Variants in DLG1 observed in about 807,000 individuals in gnomAD.
DLG1 encodes the protein disks large homolog 1.
DLG1 carries 42 observed loss-of-function variants against 123.4 expected under a neutral mutation model. The ratio of observed to expected loss-of-function variants is 0.34; its 90% confidence interval spans 0.27 to 0.44. DLG1 has a LOEUF of 0.44. Among genes scored for constraint, DLG1 ranks in the 20% least tolerant of loss-of-function variants. The pLI is 1.00. For synonymous variants in DLG1, 317 were observed against 356.2 expected (o/e 0.89, Z 1.24); for missense variants, 942 against 1,082.6 (o/e 0.87, Z 1.82).
intron 4 of DLG1, among the ~76,000 whole-genome samples, chr3:197,205,510 T>C (rs1728068079): frequency 6.6e-6 from 1 of 152,152 alleles, no homozygotes; most frequent in East Asian, 1.9e-4. Context: ...GTAACTGACC[T>C]CATTAACAAG....
chr3:197,138,475 C>CT, intron 8 of DLG1, 84 bp from the exon 9 acceptor site: 1 of 632,540 alleles, frequency 1.6e-6, no homozygotes, highest in Non-Finnish European at 2.2e-6. Flanking sequence ...TTTGTTACTT[C>CT]TTTTTTAAGG....
intron 4 of DLG1, among the ~76,000 whole-genome samples, chr3:197,223,638 A>C (rs1391452960): frequency 6.6e-6 from 1 of 152,248 alleles, no homozygotes; most frequent in Non-Finnish European, 1.5e-5. Context: ...TGACATTAGA[A>C]GTACTGTTAG....
At chr3:197,211,610 T>C (rs1041569029) in intron 4 of DLG1, among the ~76,000 whole-genome samples, 2 of 146,470 alleles carry the variant, frequency 1.4e-5, no homozygotes, top group African/African-American at 4.9e-5. Flanking sequence ...AAAAAACAGA[T>C]GCTGGTGAGG....
chr3:197,201,154 C>A (rs1725479285), intron 4 of DLG1, among the ~76,000 whole-genome samples: 1 of 152,124 alleles, frequency 6.6e-6, no homozygotes, highest in African/African-American at 2.4e-5. Context: ...GAGGCCGAGG[C>A]GGGAGGATCA....
At position 197,044,466 on chromosome 3, in the gene DLG1, G is replaced by T. The variant is rs1239250153; in HGVS notation, c.*157C>A. On this transcript the variant is annotated 3_prime_UTR_variant, in exon 25 of 25. Transcript: ENST00000667157. ...TTAAATAATACACACGATGTAACTT[G>T]AAGGAGACACTACATGTGAAAAAGA... The T allele has an allele frequency of 2.0e-6, 1 of 490,610 alleles. No homozygotes were observed. The highest frequency in any genetic ancestry group is 3.6e-6 in the Non-Finnish European group (1 of 274,480). The allele number at this position is 490,610 out of a possible 1,614,324, so 30.4% of individuals were successfully genotyped here.
At chr3:197,154,677 G>GA (rs142521068) in intron 5 of DLG1, among the ~76,000 whole-genome samples, 58 of 144,310 alleles carry the variant, frequency 4.0e-4, no homozygotes, top group East Asian at 6.1e-4. Context: ...TCTGTCTCAA[G>GA]AAAAAAAAAA....
At chr3:197,101,588 A>C (rs1399456375) in intron 14 of DLG1, among the ~76,000 whole-genome samples, 1 of 152,016 alleles carries the variant, frequency 6.6e-6, no homozygotes, top group East Asian at 1.9e-4. Flanking sequence ...ACGGGGTTTC[A>C]CCGTGTTAGC....
intron 4 of DLG1, among the ~76,000 whole-genome samples, chr3:197,235,075 A>G (rs1745255043): frequency 6.6e-6 from 1 of 152,178 alleles, no homozygotes; most frequent in Non-Finnish European, 1.5e-5. Context: ...ACATGCCACA[A>G]CAGTTTTCAG....
intron 4 of DLG1, among the ~76,000 whole-genome samples, chr3:197,245,231 C>T (rs1204250590): frequency 6.6e-6 from 1 of 152,026 alleles, no homozygotes; most frequent in East Asian, 1.9e-4. Context: ...GAAATGGATT[C>T]CATTATCTGA....
intron 4 of DLG1, among the ~76,000 whole-genome samples, chr3:197,274,515 C>CGATACGAT (rs1765468054): frequency 6.6e-6 from 1 of 151,876 alleles, no homozygotes. Context: ...CACGACACGA[C>CGATACGAT]ACGATACGAT....
intron 4 of DLG1, among the ~76,000 whole-genome samples, chr3:197,203,119 T>C (rs1726685992): frequency 6.6e-6 from 1 of 152,084 alleles, no homozygotes; most frequent in Admixed American, 6.6e-5. Flanking sequence ...AAAAATTAGC[T>C]GGATGTGGTG....
intron 13 of DLG1, 33 bp from the exon 14 acceptor site, chr3:197,105,038 A>G (rs748666189): frequency 7.2e-6 from 10 of 1,382,354 alleles, no homozygotes; most frequent in African/African-American, 2.9e-5. Flanking sequence ...ATTTGGGAGA[A>G]AAGAATCACT....
In DLG1 at chr3:197,052,061, G is replaced by A. The variant is rs142991480; in HGVS notation, c.2484-393C>T. On this transcript the variant is annotated intron_variant, in intron 23 of 24. Coordinates refer to ENST00000667157, the MANE Select transcript of DLG1 (RefSeq NM_001366207.1). ...TCACCAAGTTGGGCAGGCTGGTCCC[G>A]AACTCCTGACCCCAGGTAATCTGCT... 6.2e-4 allele frequency among the ~76,000 whole-genome samples: 95 copies of A among 152,054 alleles called. 1 individual carries two copies. The highest frequency in any genetic ancestry group is 2.2e-3 in the African/African-American group (93 of 41,502).
intron 11 of DLG1, among the ~76,000 whole-genome samples, chr3:197,125,213 G>A (rs1230342294): frequency 2.0e-5 from 3 of 152,158 alleles, no homozygotes; most frequent in Non-Finnish European, 4.4e-5. Flanking sequence ...GGTTTGAGGG[G>A]AGAGAAAAAT....
intron 5 of DLG1, among the ~76,000 whole-genome samples, chr3:197,179,424 G>T (rs1330061617): frequency 6.6e-6 from 1 of 152,092 alleles, no homozygotes; most frequent in Non-Finnish European, 1.5e-5. Context: ...CTTAAATCCT[G>T]TAATTAAAGG....
intron 4 of DLG1, among the ~76,000 whole-genome samples, chr3:197,214,834 TACTC>T (rs1220550858): frequency 1.3e-5 from 2 of 152,100 alleles, no homozygotes; most frequent in Admixed American, 1.3e-4. Flanking sequence ...GAATTACAAA[TACTC>T]AATAAACAAT....
At chr3:197,275,264 T>A (rs1017002437) in intron 4 of DLG1, among the ~76,000 whole-genome samples, 1 of 152,102 alleles carries the variant, frequency 6.6e-6, no homozygotes, top group African/African-American at 2.4e-5. Flanking sequence ...AATAACAGAT[T>A]CTGGCTACGG....
intron 5 of DLG1, among the ~76,000 whole-genome samples, chr3:197,164,739 TAAAAAAAA>T (rs145314765): frequency 0.28 from 35,952 of 130,654 alleles, 5,497 homozygotes; most frequent in East Asian, 0.73. Flanking sequence ...CCGTCTCTAC[TAAAAAAAA>T]AAAAAAAAGA....
At chr3:197,224,501 A>C (rs1053618527) in intron 4 of DLG1, among the ~76,000 whole-genome samples, 7 of 152,146 alleles carry the variant, frequency 4.6e-5, no homozygotes, top group African/African-American at 1.7e-4. Context: ...CACCTAGGGG[A>C]AAAAAATGTA....
Sources: gnomAD v4.1 joint callset for allele counts (sites outside exome capture counted in the v4.1 genomes callset) on GRCh38, gnomAD v4.1.1 for gene constraint, MANE v1.5 for transcripts, NCBI Gene and HGNC (gene_info 2026-07-23, HGNC 2026-07-21) for gene names.